The following SEC23A variants were observed in gnomAD, a reference collection of about 807,000 sequenced individuals.
The protein encoded by SEC23A is protein transport protein Sec23A.
A neutral mutation model predicts 103.7 loss-of-function variants in SEC23A; 56 were observed. The ratio of observed to expected loss-of-function variants is 0.54; its 90% CI spans 0.44 to 0.67. The LOEUF (loss-of-function observed/expected upper bound fraction) is 0.67, where lower values mean the gene tolerates loss of function less well. Among genes scored for constraint, SEC23A ranks in the 30% least tolerant of loss-of-function variants. SEC23A has a pLI of 0.00. For missense variants in SEC23A, 784 were observed against 936.4 expected, an observed-to-expected ratio of 0.84 and a Z score of 2.12; for synonymous variants, 281 against 293.0, an observed-to-expected ratio of 0.96 and a Z score of 0.42.
chr14:39,034,280 T>G (rs1885392936), intron 19 of SEC23A, among the ~76,000 whole-genome samples: 1 of 152,240 alleles, frequency 6.6e-6, no homozygotes, highest in South Asian at 2.1e-4. Flanking sequence ...AAACTATGTC[T>G]TAGTTTCCCC....
At chr14:39,038,493 A>G (rs1323767552) in intron 19 of SEC23A, among the ~76,000 whole-genome samples, 2 of 152,148 alleles carry the variant, frequency 1.3e-5, no homozygotes, top group Non-Finnish European at 2.9e-5. Flanking sequence ...AAATGTTGAT[A>G]TGTTATACCA....
rs1439341873 is a variant in SEC23A, at chr14:39,061,834, A to G, written c.1436T>C (p.Ile479Thr). 2.5e-6 allele frequency: 4 copies of G among 1,613,916 alleles called. No homozygotes were observed. The African/African-American group carries it at 5.3e-5, about 22-fold the overall frequency. Residue 479 changes from isoleucine (I) to threonine (T), a missense_variant, in exon 13 of 20, where the codon ATC becomes ACC. Around this residue, in one of 2 missense-constraint regions of SEC23A, gnomAD observed 683 missense variants for 774.2 expected, o/e 0.88. Transcript: ENST00000307712. ...APIPQGGRGA[I>T]QFVTQYQHSS... ...ATGCTGATACTGAGTCACAAACTGGATTGCACCACGCCCTCCTTGAGGAAT... is the reference window on the plus strand; with the variant it reads ...ATGCTGATACTGAGTCACAAACTGGGTTGCACCACGCCCTCCTTGAGGAAT...
At chr14:39,098,321 C>T (rs1887962533) in intron 1 of SEC23A, among the ~76,000 whole-genome samples, 1 of 152,076 alleles carries the variant, frequency 6.6e-6, no homozygotes, top group Non-Finnish European at 1.5e-5. Flanking sequence ...GCAACAGCTT[C>T]CATGTTACTG....
chr14:39,097,619 A>G (rs1413508771), intron 1 of SEC23A, among the ~76,000 whole-genome samples: 1 of 152,234 alleles, frequency 6.6e-6, no homozygotes, highest in Non-Finnish European at 1.5e-5. Context: ...GCAGTTAAGA[A>G]CTTTCTCTTC....
intron 6 of SEC23A, among the ~76,000 whole-genome samples, chr14:39,086,554 G>A (rs888232426): frequency 5.3e-5 from 8 of 152,012 alleles, no homozygotes; most frequent in Admixed American, 3.3e-4. Context: ...CCTGGGAGGC[G>A]GAAGTTGTAG....
chr14:39,046,045 T>A (rs79104048), intron 15 of SEC23A, among the ~76,000 whole-genome samples: 1 of 152,172 alleles, frequency 6.6e-6, no homozygotes, highest in Non-Finnish European at 1.5e-5. Context: ...TCAGGAGATC[T>A]GATGGTTTTA....
In SEC23A at chr14:39,091,741, A is replaced by G. The variant is rs778774383; in HGVS notation, c.367-28T>C. ...TTTAAAAAATTCACCAAAAAGAAAA[A>G]ATATGTAGTTTAAAGCACAGCATAC... is the stretch of plus-strand genomic sequence containing the variant. On this transcript the variant is annotated intron_variant, in intron 4 of 19. Coordinates refer to ENST00000307712, the MANE Select transcript of SEC23A (RefSeq NM_006364.4). The G allele has an allele frequency of 1.2e-4, 185 of 1,484,096 alleles. 1 individual carries two copies. Among genetic ancestry groups the G allele is most frequent in the Middle Eastern group, 6.9e-4 (4 of 5,818 alleles). The allele number at this position is 1,484,096 out of a possible 1,614,324, so 91.9% of individuals were successfully genotyped here.
In SEC23A at chr14:39,067,229, TAA is replaced by T. The variant is rs1886699839; in HGVS notation, c.1169_1170del (p.Phe390TyrfsTer9). ...TTAAACTGTCCATGCATGTCTTTGG[TAA>T]AGACTCTTTGAAAAGTTTGTTTGAA... ...SLFKQTFQRVFTKDMHGQFKM... is the reference protein window; with the variant it reads ...SLFKQTFQRVXTKDMHGQFKM... On this transcript the variant is annotated frameshift_variant, in exon 10 of 20. Coordinates refer to ENST00000307712, the MANE Select transcript of SEC23A (RefSeq NM_006364.4). LOFTEE classifies it high-confidence loss of function. 6.2e-7 allele frequency: 1 copy of T among 1,613,580 alleles called. No individual in the cohort carries two copies. The highest frequency in any genetic ancestry group is 8.5e-7 in the Non-Finnish European group (1 of 1,179,742).
At chr14:39,083,548 G>A (rs1183246099) in intron 7 of SEC23A, among the ~76,000 whole-genome samples, 1 of 137,444 alleles carries the variant, frequency 7.3e-6, no homozygotes, top group Non-Finnish European at 1.6e-5. Context: ...CCTCAGCCTT[G>A]GCAAAATAAA....
intron 9 of SEC23A, among the ~76,000 whole-genome samples, chr14:39,068,467 TAAC>T (rs1303742068): frequency 6.6e-6 from 1 of 152,244 alleles, no homozygotes; most frequent in Non-Finnish European, 1.5e-5. Context: ...GCACTATTTG[TAAC>T]AACAAAAGTT....
intron 9 of SEC23A, among the ~76,000 whole-genome samples, chr14:39,073,603 CTTTTT>C (rs905464578): frequency 6.0e-5 from 5 of 83,912 alleles, no homozygotes; most frequent in Non-Finnish European, 1.1e-4. Flanking sequence ...TCTGATTCCT[CTTTTT>C]TTTTTTTTTT....
In SEC23A at chr14:39,085,495, G is replaced by A. The variant is rs183966251; in HGVS notation, c.828+267C>T. 9.9e-5 allele frequency among the ~76,000 whole-genome samples: 15 copies of A among 152,204 alleles called. No homozygotes were observed. In the South Asian group the frequency reaches 1.0e-3, roughly 11 times the overall value. ...TCTTGTGGGACTGAGCCCTCAATCT[G>A]TGAGATGTGATGTTATCTCCAGTTA... On this transcript the variant is annotated intron_variant, in intron 7 of 19. Transcript: ENST00000307712.
intron 17 of SEC23A, 152 bp from the exon 18 acceptor site, chr14:39,041,039 G>A: frequency 2.8e-6 from 2 of 712,682 alleles, no homozygotes; most frequent in Non-Finnish European, 4.2e-6. Flanking sequence ...AATTTCAGTA[G>A]AGAAAATATT....
Position 39,091,640 on chromosome 14 carries a change from A to G in SEC23A, c.440T>C (p.Leu147Pro). The change falls in exon 5 of 20, where the codon CTG becomes CCG. Residue 147 changes from leucine (L) to proline (P), a missense_variant. This residue lies in a region of SEC23A where 683 missense variants were observed against 774.2 expected (regional missense o/e 0.88). Transcript: ENST00000307712. ...TAATGACATCTGCATGGATTCTTTC[A>G]GGGCTTGTAAATCTTCATCTTCCAT... Reference protein sequence around the residue: ...TCMEDEDLQALKESMQMSLSL... With the variant: ...TCMEDEDLQAPKESMQMSLSL... 2 of 1,614,060 alleles carry G rather than the reference A, an allele frequency of 1.2e-6. No homozygotes were observed. The highest frequency in any genetic ancestry group is 3.3e-5 in the Admixed American group (2 of 60,024).
intron 19 of SEC23A, among the ~76,000 whole-genome samples, chr14:39,036,625 C>G (rs1405930726): frequency 6.6e-6 from 1 of 152,054 alleles, no homozygotes; most frequent in Non-Finnish European, 1.5e-5. Flanking sequence ...GAAATAAGTG[C>G]CCTGCCTCCT....
intron 7 of SEC23A, among the ~76,000 whole-genome samples, chr14:39,077,003 G>A (rs1036132554): frequency 4.0e-5 from 6 of 151,772 alleles, no homozygotes; most frequent in South Asian, 2.1e-4. Flanking sequence ...GAGGTGGGTG[G>A]ATCACCTGAG....
chr14:39,073,582 C>T lies in SEC23A; in HGVS notation c.1103+833G>A, dbSNP rs1157486849. Among the ~76,000 whole-genome samples the T allele has an allele frequency of 2.0e-5, 3 of 146,420 alleles. No individual in the cohort carries two copies. In the Admixed American group the frequency reaches 2.1e-4, roughly 10 times the overall value. On this transcript the variant is annotated intron_variant, in intron 9 of 19. Transcript: ENST00000307712. ...GTGCTAGGATTACAGTTGGGAGCCA[C>T]GGTGCCCGGCTCTGATTCCTCTTTT...
At chr14:39,090,968 C>T in intron 5 of SEC23A, 1 of 342,104 alleles carries the variant, frequency 2.9e-6, no homozygotes, top group Non-Finnish European at 5.6e-6. Flanking sequence ...CCTGCTCCAA[C>T]AGTTGGTGCT....
At chr14:39,065,854 T>C (rs1340563667) in intron 10 of SEC23A, among the ~76,000 whole-genome samples, 1 of 151,784 alleles carries the variant, frequency 6.6e-6, no homozygotes, top group Non-Finnish European at 1.5e-5. Context: ...CAAAATTAGC[T>C]GGGCATGGTG....
Sources: allele counts gnomAD v4.1 joint callset (sites outside exome capture counted in the v4.1 genomes callset), GRCh38; gene constraint gnomAD v4.1.1; regional missense constraint gnomAD v4.1.1; transcripts MANE v1.5; gene names NCBI Gene and HGNC (gene_info 2026-07-23, HGNC 2026-07-21).